ASTN1: variants seen among roughly 807,000 people sequenced by gnomAD.
ASTN1 encodes the protein astrotactin-1.
ASTN1 carries 41 observed loss-of-function variants against 140.7 expected under a neutral mutation model. The ratio of observed to expected loss-of-function variants is 0.29; its 90% CI spans 0.23 to 0.38. The LOEUF is 0.38. Ranked by LOEUF, ASTN1 falls within the 10% of genes least tolerant of loss-of-function variation. The probability of loss-of-function intolerance (pLI) is 1.00; values close to 1 mark genes in which losing one functional copy is unlikely to be tolerated. For missense variants in ASTN1, 1,479 were observed against 1,678.8 expected (o/e 0.88, Z 2.08); for synonymous variants, 640 against 652.2 (o/e 0.98, Z 0.29).
At chr1:176,909,528 C>A (rs2103057712) in intron 16 of ASTN1, among the ~76,000 whole-genome samples, 1 of 152,212 alleles carries the variant, frequency 6.6e-6, no homozygotes, top group African/African-American at 2.4e-5. Flanking sequence ...TTAGCTCCTT[C>A]AAATAAAAAT....
chr1:176,884,318 C>T, intron 19 of ASTN1, 21 bp downstream of exon 19: 1 of 1,607,886 alleles, frequency 6.2e-7, no homozygotes, highest in Middle Eastern at 1.7e-4. Context: ...AAGACAAGCC[C>T]ATGAAGTAGA....
At chr1:176,882,611 G>A (rs2076337) in intron 20 of ASTN1, among the ~76,000 whole-genome samples, 47,683 of 151,848 alleles carry the variant, frequency 0.31, 8,991 homozygotes, top group East Asian at 0.73. Flanking sequence ...GTTAAAGTTA[G>A]TTTTTTATAT....
chr1:177,049,872 C>T (rs1191990754), intron 2 of ASTN1, among the ~76,000 whole-genome samples: 2 of 152,158 alleles, frequency 1.3e-5, no homozygotes, highest in Non-Finnish European at 2.9e-5. Context: ...GAGGCCGAGG[C>T]TGTTCACTCT....
intron 8 of ASTN1, among the ~76,000 whole-genome samples, chr1:177,006,174 A>G (rs1363620672): frequency 6.6e-6 from 1 of 152,240 alleles, no homozygotes; most frequent in Admixed American, 6.5e-5. Flanking sequence ...ACCCTCAAGG[A>G]AAAAGTTTTG....
At chr1:176,895,293 T>C (rs989776603) in intron 16 of ASTN1, among the ~76,000 whole-genome samples, 1 of 152,228 alleles carries the variant, frequency 6.6e-6, no homozygotes, top group African/African-American at 2.4e-5. Context: ...TAGTTTTAAT[T>C]ATAAATATAG....
At chr1:177,137,982 G>C (rs529945992) in intron 1 of ASTN1, among the ~76,000 whole-genome samples, 2 of 152,302 alleles carry the variant, frequency 1.3e-5, no homozygotes, top group Admixed American at 1.3e-4. Context: ...GTGCCATCCA[G>C]GGTACCAAGG....
intron 16 of ASTN1, among the ~76,000 whole-genome samples, chr1:176,909,734 C>T (rs1466970896): frequency 6.7e-6 from 1 of 148,256 alleles, no homozygotes; most frequent in Non-Finnish European, 1.5e-5. Flanking sequence ...GTACTGAGTG[C>T]CAAGATTTCT....
chr1:176,890,420 G>A (rs1367977843), intron 17 of ASTN1, among the ~76,000 whole-genome samples: 2 of 152,122 alleles, frequency 1.3e-5, no homozygotes, highest in African/African-American at 4.8e-5. Flanking sequence ...CAGCCTGGAT[G>A]GAACTTGACT....
At chr1:177,092,848 A>G (rs1239347870) in intron 1 of ASTN1, among the ~76,000 whole-genome samples, 2 of 152,178 alleles carry the variant, frequency 1.3e-5, no homozygotes, top group Non-Finnish European at 2.9e-5. Context: ...CTGTAAAGTG[A>G]TATCTCATTG....
At chr1:177,001,617 T>C (rs189094117) in intron 8 of ASTN1, among the ~76,000 whole-genome samples, 1 of 152,336 alleles carries the variant, frequency 6.6e-6, no homozygotes, top group East Asian at 1.9e-4. Flanking sequence ...TCCAAGGTTG[T>C]GTTCTTCCCA....
At chr1:177,131,615 A>G (rs575614098) in intron 1 of ASTN1, among the ~76,000 whole-genome samples, 1 of 152,322 alleles carries the variant, frequency 6.6e-6, no homozygotes, top group South Asian at 2.1e-4. Flanking sequence ...ATACACAGAC[A>G]ATAGGTAAAA....
At position 176,883,004 on chromosome 1, in the gene ASTN1, G is replaced by A. The variant is rs760996695; in HGVS notation, c.3227-10C>T. The A allele has an allele frequency of 1.9e-6, 3 of 1,613,898 alleles. No individual in the cohort carries two copies. Among genetic ancestry groups the A allele is most frequent in the Non-Finnish European group, 2.5e-6 (3 of 1,179,950 alleles). ...AAGCTCAGCACTGTTTCTGCCCAGA[G>A]GAGAAGGAATGGAAAAAGCATGAGA... On this transcript the variant is annotated splice_polypyrimidine_tract_variant and intron_variant, in intron 19 of 22. Transcript: ENST00000361833.
At position 176,942,833 on chromosome 1, in the gene ASTN1, TA is replaced by T. The variant is rs1339808607; in HGVS notation, c.2377+1057del. Among the ~76,000 whole-genome samples, 38 of 21,214 alleles carry T rather than the reference TA, an allele frequency of 1.8e-3. 4 individuals are homozygous for T. The highest frequency in any genetic ancestry group is 3.1e-3 in the East Asian group (2 of 648). 13.9% of individuals were successfully genotyped at this position (21,214 alleles called of 152,430 possible). A position where few individuals can be genotyped will look rare whatever the true frequency, so the allele number is the denominator to read the frequency against. ...CTTTGTGTGTGTGTATATATATATA[TA>T]TGTATATATATATATATATATATAT... On this transcript the variant is annotated intron_variant, in intron 14 of 22. Transcript: ENST00000361833.
chr1:177,074,590 T>G (rs897433329), intron 1 of ASTN1, among the ~76,000 whole-genome samples: 12 of 152,200 alleles, frequency 7.9e-5, no homozygotes, highest in Non-Finnish European at 1.5e-5. Flanking sequence ...TCTCATCTGT[T>G]GTCATCAACT....
rs1292572900 is a variant in ASTN1 at position 177,033,320 on chromosome 1, T to G, written c.472-471A>C. On this transcript the variant is annotated intron_variant, in intron 2 of 22. Coordinates refer to ENST00000361833, the MANE Select transcript of ASTN1 (RefSeq NM_004319.3). Reference sequence around the variant, plus strand: ...ATCAATCATAGATTCTAACAGTGGTTCCACCAATTATCAGTGGGTCCTATA... The same window carrying G: ...ATCAATCATAGATTCTAACAGTGGTGCCACCAATTATCAGTGGGTCCTATA... Among the ~76,000 whole-genome samples, 39 of 152,180 alleles carry G rather than the reference T, an allele frequency of 2.6e-4. 1 individual carries two copies. The highest frequency in any genetic ancestry group is 2.6e-3 in the Admixed American group (39 of 15,282).
At chr1:177,056,497 G>A (rs1435029581) in intron 2 of ASTN1, among the ~76,000 whole-genome samples, 1 of 151,774 alleles carries the variant, frequency 6.6e-6, no homozygotes, top group Non-Finnish European at 1.5e-5. Flanking sequence ...CCACAACAGT[G>A]ACTAAGAAGG....
chr1:176,967,687 CTG>C (rs1672942670), intron 8 of ASTN1, among the ~76,000 whole-genome samples: 2 of 152,150 alleles, frequency 1.3e-5, no homozygotes, highest in Non-Finnish European at 1.5e-5. Flanking sequence ...ACAAATAAAT[CTG>C]TATTCAAGCC....
intron 1 of ASTN1, among the ~76,000 whole-genome samples, chr1:177,114,091 T>C (rs1680957679): frequency 6.6e-6 from 1 of 152,018 alleles, no homozygotes; most frequent in African/African-American, 2.4e-5. Flanking sequence ...TCAAAGGGAG[T>C]ACAGCATATT....
At chr1:177,006,508 A>G (rs1307350750) in intron 8 of ASTN1, among the ~76,000 whole-genome samples, 2 of 152,232 alleles carry the variant, frequency 1.3e-5, no homozygotes, top group African/African-American at 2.4e-5. Flanking sequence ...AAGTCTAGGG[A>G]GCATTCCTAG....
Sources: allele counts gnomAD v4.1 joint callset (sites outside exome capture counted in the v4.1 genomes callset), GRCh38; gene constraint gnomAD v4.1.1; transcripts MANE v1.5; gene names NCBI Gene and HGNC (gene_info 2026-07-23, HGNC 2026-07-21).